The following CADPS2 variants were observed in gnomAD, a reference collection of about 807,000 sequenced individuals.
The protein encoded by CADPS2 is calcium dependent secretion activator 2, also known as calcium-dependent secretion activator 2.
A neutral mutation model predicts 172.5 loss-of-function variants in CADPS2; 93 were observed. The ratio of observed to expected loss-of-function variants is 0.54; its 90% CI spans 0.46 to 0.64. The LOEUF (loss-of-function observed/expected upper bound fraction) is 0.64. Among genes scored for constraint, CADPS2 ranks in the 30% least tolerant of loss-of-function variants. The pLI is 0.00. For synonymous variants in CADPS2, 546 were observed against 555.2 expected (o/e 0.98, Z 0.23); for missense variants, 1,420 against 1,565.9 (o/e 0.91, Z 1.57).
At chr7:122,559,770 CAAAAAAAAA>C (rs71161306) in intron 7 of CADPS2, among the ~76,000 whole-genome samples, 3 of 85,154 alleles carry the variant, frequency 3.5e-5, no homozygotes, top group African/African-American at 4.6e-5. Context: ...GACTCCACCT[CAAAAAAAAA>C]AAAAAAAAAA....
At chr7:122,790,960 T>C (rs1396466816) in intron 1 of CADPS2, among the ~76,000 whole-genome samples, 1 of 152,118 alleles carries the variant, frequency 6.6e-6, no homozygotes, top group African/African-American at 2.4e-5. Flanking sequence ...GCACCCAAAA[T>C]ACGAAAGCAA....
At chr7:122,708,552 T>G (rs2088044505) in intron 2 of CADPS2, among the ~76,000 whole-genome samples, 1 of 52,270 alleles carries the variant, frequency 1.9e-5, no homozygotes, top group African/African-American at 6.4e-5. Context: ...TATATATATA[T>G]ATATATATAT....
At chr7:122,793,092 C>T (rs1795632644) in intron 1 of CADPS2, among the ~76,000 whole-genome samples, 1 of 152,090 alleles carries the variant, frequency 6.6e-6, no homozygotes, top group African/African-American at 2.4e-5. Flanking sequence ...GTAAAAGGAC[C>T]ATTCAGGTCC....
intron 1 of CADPS2, among the ~76,000 whole-genome samples, chr7:122,794,382 T>C (rs1257296083): frequency 6.6e-6 from 1 of 152,114 alleles, no homozygotes; most frequent in Non-Finnish European, 1.5e-5. Flanking sequence ...TTCCTCCACC[T>C]GGTCTGTTTT....
At chr7:122,539,925 A>C (rs10441363) in intron 8 of CADPS2, among the ~76,000 whole-genome samples, 35,226 of 151,898 alleles carry the variant, frequency 0.23, 4,583 homozygotes, top group Middle Eastern at 0.3. Flanking sequence ...ATGTGTCCTT[A>C]ATCTTCATAA....
intron 8 of CADPS2, among the ~76,000 whole-genome samples, chr7:122,526,997 T>C (rs776844220): frequency 1.2e-4 from 19 of 152,176 alleles, no homozygotes; most frequent in Non-Finnish European, 2.2e-4. Context: ...TTAGGAACAA[T>C]TGTAATAAAA....
chr7:122,549,319 G>A (rs1174873149), intron 8 of CADPS2, among the ~76,000 whole-genome samples: 1 of 152,018 alleles, frequency 6.6e-6, no homozygotes, highest in Admixed American at 6.6e-5. Context: ...TTATTTTGTA[G>A]TTACCACTGC....
intron 3 of CADPS2, among the ~76,000 whole-genome samples, chr7:122,662,130 GAGA>G (rs894641979): frequency 3.9e-5 from 6 of 152,254 alleles, no homozygotes; most frequent in South Asian, 4.1e-4. Flanking sequence ...CAGAAATTCA[GAGA>G]AGATTTGCAA....
intron 1 of CADPS2, among the ~76,000 whole-genome samples, chr7:122,845,219 C>T (rs991459600): frequency 6.6e-6 from 1 of 152,086 alleles, no homozygotes; most frequent in African/African-American, 2.4e-5. Context: ...AGCAAATTGC[C>T]CCCACCCATC....
intron 29 of CADPS2, among the ~76,000 whole-genome samples, chr7:122,323,059 T>A (rs150262989): frequency 6.6e-6 from 1 of 152,348 alleles, no homozygotes; most frequent in African/African-American, 2.4e-5. Flanking sequence ...ATGATCATTA[T>A]AAGCAAAACC....
At chr7:122,351,578 T>G (rs1257887998) in intron 27 of CADPS2, among the ~76,000 whole-genome samples, 2 of 151,876 alleles carry the variant, frequency 1.3e-5, no homozygotes, top group African/African-American at 4.8e-5. Flanking sequence ...AAACAGCTTT[T>G]AGATTTAGAG....
Position 122,511,327 on chromosome 7 carries a change from C to T in CADPS2, c.1542+1922G>A, listed in dbSNP as rs1350439942. On this transcript the variant is annotated intron_variant, in intron 9 of 29. Transcript: ENST00000449022. ...TAATAATCAAAGTATACATATTTGC[C>T]CTATAACTTCTGAGTCTTACAATCA... is the stretch of plus-strand genomic sequence containing the variant. Among the ~76,000 whole-genome samples, 15 of 151,926 alleles carry T rather than the reference C, an allele frequency of 9.9e-5. 1 individual carries two copies. Among genetic ancestry groups the T allele is most frequent in the Non-Finnish European group, 2.2e-4 (15 of 67,974 alleles).
At chr7:122,693,964 C>CA (rs781778894) in intron 2 of CADPS2, among the ~76,000 whole-genome samples, 1 of 151,480 alleles carries the variant, frequency 6.6e-6, no homozygotes, top group Non-Finnish European at 1.5e-5. Context: ...AGCTCTGTCT[C>CA]AAAAAAATAA....
At chr7:122,516,308 G>A (rs564651141) in intron 8 of CADPS2, among the ~76,000 whole-genome samples, 75 of 152,284 alleles carry the variant, frequency 4.9e-4, no homozygotes, top group Middle Eastern at 6.8e-3. Flanking sequence ...GTCAAGGCAG[G>A]AGGATTGCTT....
chr7:122,598,443 A>T (rs1272675240), intron 6 of CADPS2, among the ~76,000 whole-genome samples: 1 of 152,124 alleles, frequency 6.6e-6, no homozygotes, highest in Non-Finnish European at 1.5e-5. Context: ...TGCTGCTAAA[A>T]TATTCTGGAT....
At chr7:122,779,848 G>A (rs1209542560) in intron 1 of CADPS2, among the ~76,000 whole-genome samples, 1 of 152,010 alleles carries the variant, frequency 6.6e-6, no homozygotes, top group Non-Finnish European at 1.5e-5. Flanking sequence ...TATACCTATG[G>A]ACTATTTACT....
At chr7:122,759,568 A>C (rs1350876582) in intron 1 of CADPS2, among the ~76,000 whole-genome samples, 1 of 152,156 alleles carries the variant, frequency 6.6e-6, no homozygotes, top group African/African-American at 2.4e-5. Flanking sequence ...TTTCAGAAAA[A>C]AAGGCTTTTG....
At chr7:122,455,666 C>T (rs1488747509) in intron 14 of CADPS2, among the ~76,000 whole-genome samples, 1 of 151,914 alleles carries the variant, frequency 6.6e-6, no homozygotes, top group Non-Finnish European at 1.5e-5. Flanking sequence ...ATTATTACTG[C>T]TTATTAGAAT....
At chr7:122,555,469 G>C (rs2064917945) in intron 7 of CADPS2, among the ~76,000 whole-genome samples, 1 of 152,026 alleles carries the variant, frequency 6.6e-6, no homozygotes, top group Admixed American at 6.6e-5. Flanking sequence ...TTTTAAATGG[G>C]AGAATGCTCA....
Sources: gnomAD v4.1 joint callset for allele counts (sites outside exome capture counted in the v4.1 genomes callset) on GRCh38, gnomAD v4.1.1 for gene constraint, MANE v1.5 for transcripts, NCBI Gene and HGNC (gene_info 2026-07-23, HGNC 2026-07-21) for gene names.